Variants in GRM5 observed in about 807,000 individuals in gnomAD.
GRM5 encodes the protein metabotropic glutamate receptor 5.
In GRM5, 19 loss-of-function variants were observed where a neutral mutation model predicts 83.1. The observed-to-expected ratio is 0.23, with a 90% CI of 0.16 to 0.34. The LOEUF (loss-of-function observed/expected upper bound fraction) is 0.34. Ranked by LOEUF, GRM5 falls within the 10% of genes least tolerant of loss-of-function variation. GRM5 has a pLI of 1.00. For missense variants in GRM5, 1,160 were observed against 1,588.3 expected, an observed-to-expected ratio of 0.73 and a Z score of 4.58; for synonymous variants, 675 against 633.6, an observed-to-expected ratio of 1.07 and a Z score of -0.98.
chr11:88,623,857 G>T (rs992706276), intron 4 of GRM5, among the ~76,000 whole-genome samples: 3 of 152,142 alleles, frequency 2.0e-5, no homozygotes, highest in African/African-American at 7.2e-5. Flanking sequence ...AGTACATCCA[G>T]GTGGTGGGGG....
At chr11:88,999,683 C>G (rs1422683332) in intron 2 of GRM5, among the ~76,000 whole-genome samples, 2 of 152,014 alleles carry the variant, frequency 1.3e-5, no homozygotes, top group East Asian at 3.9e-4. Context: ...AGTGTGGCGA[C>G]TCCTCAGGGA....
rs180857208 is a variant in GRM5, at chr11:88,640,172, G to A, written c.1147+12996C>T. On this transcript the variant is annotated intron_variant, in intron 4 of 9. Coordinates refer to ENST00000305447, the MANE Select transcript of GRM5 (RefSeq NM_001143831.3). ...CAAGAATGGGTATTAAGCCAATAGT[G>A]TCACATGAAATTCTAATTAATTTTG... 2.6e-5 allele frequency among the ~76,000 whole-genome samples: 4 copies of A among 152,262 alleles called. No homozygotes were observed. In the East Asian group the frequency reaches 7.7e-4, roughly 29 times the overall value.
intron 7 of GRM5, among the ~76,000 whole-genome samples, chr11:88,580,524 CA>C (rs1229555514): frequency 6.6e-6 from 1 of 152,064 alleles, no homozygotes; most frequent in Non-Finnish European, 1.5e-5. Context: ...AGGAAAATAT[CA>C]AAAGTGTATA....
intron 3 of GRM5, among the ~76,000 whole-genome samples, chr11:88,759,395 C>A (rs1226116445): frequency 3.3e-5 from 5 of 151,806 alleles, no homozygotes; most frequent in Non-Finnish European, 7.4e-5. Flanking sequence ...ACCAAGCAAA[C>A]AGAAAACAGA....
At chr11:88,802,977 A>G (rs1195007050) in intron 3 of GRM5, among the ~76,000 whole-genome samples, 1 of 144,024 alleles carries the variant, frequency 6.9e-6, no homozygotes, top group Admixed American at 6.8e-5. Context: ...CCAACTTACA[A>G]GGGACATGAA....
At chr11:88,832,980 C>T (rs1944022498) in intron 3 of GRM5, among the ~76,000 whole-genome samples, 1 of 152,008 alleles carries the variant, frequency 6.6e-6, no homozygotes, top group African/African-American at 2.4e-5. Flanking sequence ...GGATTAAAGA[C>T]TCAAAGTAAG....
chr11:88,556,701 T>C (rs908727282), intron 8 of GRM5, among the ~76,000 whole-genome samples: 2 of 152,106 alleles, frequency 1.3e-5, no homozygotes, highest in Non-Finnish European at 1.5e-5. Context: ...TGTCCTTATT[T>C]TCTAGAGGCT....
intron 3 of GRM5, among the ~76,000 whole-genome samples, chr11:88,833,860 C>G (rs1944042153): frequency 6.6e-6 from 1 of 151,972 alleles, no homozygotes; most frequent in Admixed American, 6.6e-5. Context: ...GTTAAATAAG[C>G]CAGGCACAGA....
intron 4 of GRM5, among the ~76,000 whole-genome samples, chr11:88,636,329 T>C (rs1337208164): frequency 1.3e-5 from 2 of 152,034 alleles, no homozygotes; most frequent in African/African-American, 4.8e-5. Context: ...CTGGCCAACA[T>C]GGTGAAACAC....
At chr11:88,778,904 C>G (rs576018185) in intron 3 of GRM5, among the ~76,000 whole-genome samples, 23 of 152,198 alleles carry the variant, frequency 1.5e-4, no homozygotes, top group Non-Finnish European at 2.4e-4. Flanking sequence ...AACATTTTCA[C>G]TGTTTTCTAC....
chr11:88,841,378 C>T (rs1370316516), intron 3 of GRM5, among the ~76,000 whole-genome samples: 1 of 152,196 alleles, frequency 6.6e-6, no homozygotes, highest in Non-Finnish European at 1.5e-5. Flanking sequence ...ACACTAAATT[C>T]TCCAGCTTTA....
chr11:88,660,559 T>A (rs1027820948), intron 3 of GRM5, among the ~76,000 whole-genome samples: 4 of 152,172 alleles, frequency 2.6e-5, no homozygotes, highest in African/African-American at 7.2e-5. Flanking sequence ...TCTAAAAATG[T>A]TGGAATCTGA....
At chr11:89,035,649 A>G (rs936025061) in intron 2 of GRM5, among the ~76,000 whole-genome samples, 2 of 152,124 alleles carry the variant, frequency 1.3e-5, no homozygotes, top group African/African-American at 4.8e-5. Flanking sequence ...TTCAGGTAGT[A>G]TTAATAATAT....
chr11:88,891,108 G>A (rs867170422), intron 2 of GRM5, among the ~76,000 whole-genome samples: 1 of 151,984 alleles, frequency 6.6e-6, no homozygotes, highest in Non-Finnish European at 1.5e-5. Flanking sequence ...TTAGCAAAAT[G>A]GGTTATAAAA....
chr11:89,032,283 C>A (rs1309638571), intron 2 of GRM5, among the ~76,000 whole-genome samples: 2 of 151,936 alleles, frequency 1.3e-5, no homozygotes, highest in East Asian at 1.9e-4. Context: ...GAGTCTAGAT[C>A]TATGTCCTTA....
intron 9 of GRM5, among the ~76,000 whole-genome samples, chr11:88,519,017 C>T (rs1941604057): frequency 1.4e-5 from 2 of 146,082 alleles, no homozygotes; most frequent in Non-Finnish European, 3.0e-5. Flanking sequence ...AAGACACAGG[C>T]AACTAGATAA....
At chr11:88,821,749 T>C (rs574028494) in intron 3 of GRM5, among the ~76,000 whole-genome samples, 1 of 152,142 alleles carries the variant, frequency 6.6e-6, no homozygotes, top group Non-Finnish European at 1.5e-5. Flanking sequence ...AATAAATCAC[T>C]TCAAATTTTG....
chr11:88,680,543 T>A (rs1940452801), intron 3 of GRM5, among the ~76,000 whole-genome samples: 1 of 152,216 alleles, frequency 6.6e-6, no homozygotes, highest in Non-Finnish European at 1.5e-5. Flanking sequence ...GACTGTAAAC[T>A]AGTTCAACCA....
chr11:88,730,399 A>T (rs532180863), intron 3 of GRM5, among the ~76,000 whole-genome samples: 1 of 152,280 alleles, frequency 6.6e-6, no homozygotes, highest in South Asian at 2.1e-4. Context: ...GAGAAATAGG[A>T]ATGCTTTCAC....
Sources: allele counts gnomAD v4.1 joint callset (sites outside exome capture counted in the v4.1 genomes callset), GRCh38; gene constraint gnomAD v4.1.1; transcripts MANE v1.5; gene names NCBI Gene and HGNC (gene_info 2026-07-23, HGNC 2026-07-21).